Variants in MCF2L2 observed in about 807,000 individuals in gnomAD.
MCF2L2 encodes probable guanine nucleotide exchange factor MCF2L2.
Under a neutral mutation model 150.2 loss-of-function variants are expected in MCF2L2, and 102 were observed. That is an observed-to-expected ratio of 0.68 (90% CI 0.58 to 0.80). The LOEUF is 0.80. MCF2L2 is among the 30% of genes least tolerant of loss of function. The pLI, the probability that MCF2L2 is intolerant of heterozygous loss-of-function variation, is 0.00. For missense variants in MCF2L2, 1,256 were observed against 1,372.8 expected (o/e 0.91, Z 1.34); for synonymous variants, 465 against 491.3 (o/e 0.95, Z 0.71).
At chr3:183,314,778 C>A (rs6443865) in intron 7 of MCF2L2, among the ~76,000 whole-genome samples, 27,669 of 148,250 alleles carry the variant, frequency 0.19, 3,052 homozygotes, top group African/African-American at 0.3. Context: ...AATTATTTGA[C>A]GACATATAGA....
At chr3:183,343,674 T>C (rs1426109822) in intron 3 of MCF2L2, among the ~76,000 whole-genome samples, 2 of 152,104 alleles carry the variant, frequency 1.3e-5, no homozygotes, top group African/African-American at 4.8e-5. Flanking sequence ...CAGCCCAACA[T>C]AGCAACTTGA....
chr3:183,348,934 CTCT>C (rs1731006764), intron 3 of MCF2L2, among the ~76,000 whole-genome samples: 1 of 152,190 alleles, frequency 6.6e-6, no homozygotes, highest in African/African-American at 2.4e-5. Flanking sequence ...TAGTATTCCT[CTCT>C]CAGTAATTCA....
chr3:183,338,517 A>T (rs1730578517), intron 5 of MCF2L2, among the ~76,000 whole-genome samples: 1 of 152,044 alleles, frequency 6.6e-6, no homozygotes, highest in African/African-American at 2.4e-5. Flanking sequence ...ACTGAATAAA[A>T]TCCAAAACCT....
intron 14 of MCF2L2, among the ~76,000 whole-genome samples, chr3:183,288,115 C>T (rs1727898785): frequency 6.6e-6 from 1 of 152,164 alleles, no homozygotes; most frequent in African/African-American, 2.4e-5. Context: ...TAAAATTATA[C>T]AGTGCTTAGC....
chr3:183,288,800 T>A (rs927726841), intron 14 of MCF2L2, among the ~76,000 whole-genome samples: 1 of 152,172 alleles, frequency 6.6e-6, no homozygotes, highest in South Asian at 2.1e-4. Flanking sequence ...TTTTTATACA[T>A]GAACCATACA....
chr3:183,258,114 T>C (rs1212988421), intron 15 of MCF2L2, among the ~76,000 whole-genome samples: 2 of 151,868 alleles, frequency 1.3e-5, no homozygotes, highest in Non-Finnish European at 2.9e-5. Context: ...ATTACAGGCA[T>C]GCTCCACCAC....
Position 183,338,925 on chromosome 3 carries a change from A to G in MCF2L2, c.367-6T>C. The stretch of plus-strand genomic sequence containing the variant: ...AAGTTTCCTGGAAATGCCACCTGCA[A>G]GCATCAGGAAAAGTGTCAGGAGGAG... On this transcript the variant is annotated splice_region_variant and splice_polypyrimidine_tract_variant and intron_variant, in intron 4 of 29. Coordinates refer to ENST00000328913, the MANE Select transcript of MCF2L2 (RefSeq NM_015078.4). 5.6e-6 allele frequency: 9 copies of G among 1,594,842 alleles called. No individual in the cohort carries two copies. The highest frequency in any genetic ancestry group is 7.7e-6 in the Non-Finnish European group (9 of 1,166,256).
chr3:183,326,713 T>G (rs1302669448), intron 5 of MCF2L2, among the ~76,000 whole-genome samples: 1 of 13,306 alleles, frequency 7.5e-5, no homozygotes, highest in Non-Finnish European at 1.1e-4. Context: ...TTATAATGTG[T>G]GTGTATGTAG....
At chr3:183,352,961 T>C (rs1294820226) in intron 3 of MCF2L2, among the ~76,000 whole-genome samples, 1 of 151,248 alleles carries the variant, frequency 6.6e-6, no homozygotes, top group Non-Finnish European at 1.5e-5. Flanking sequence ...CAATTACCAA[T>C]CAGAAAATGT....
intron 27 of MCF2L2, among the ~76,000 whole-genome samples, chr3:183,187,969 A>G (rs1347892543): frequency 6.6e-6 from 1 of 152,176 alleles, no homozygotes; most frequent in African/African-American, 2.4e-5. Context: ...ACCATAGTGG[A>G]AGGAGAAACG....
intron 3 of MCF2L2, among the ~76,000 whole-genome samples, chr3:183,364,957 A>G (rs140826073): frequency 1.3e-3 from 193 of 152,280 alleles, no homozygotes; most frequent in African/African-American, 4.4e-3. Flanking sequence ...AATGCCACAA[A>G]ATTGTTTCAG....
intron 15 of MCF2L2, among the ~76,000 whole-genome samples, chr3:183,273,777 G>C (rs2108453806): frequency 1.3e-5 from 2 of 152,262 alleles, no homozygotes; most frequent in South Asian, 4.1e-4. Context: ...ATTGCCTGCA[G>C]TATTCAGTAC....
intron 25 of MCF2L2, among the ~76,000 whole-genome samples, chr3:183,199,932 A>G (rs1266582882): frequency 1.3e-5 from 2 of 152,112 alleles, no homozygotes. Flanking sequence ...CAGCTTCACC[A>G]TGTCCCTACA....
chr3:183,345,136 G>A (rs1730850079), intron 3 of MCF2L2, among the ~76,000 whole-genome samples: 1 of 152,066 alleles, frequency 6.6e-6, no homozygotes, highest in Non-Finnish European at 1.5e-5. Context: ...GCACCACATA[G>A]CACTTATTCT....
chr3:183,309,904 T>C, intron 9 of MCF2L2, 69 bp from the exon 10 acceptor site: 16 of 1,563,858 alleles, frequency 1.0e-5, no homozygotes, highest in Non-Finnish European at 1.4e-5. Context: ...AGGTTTGTTA[T>C]GCTTCAAGAA....
At chr3:183,214,923 G>A (rs1452204364) in intron 22 of MCF2L2, among the ~76,000 whole-genome samples, 4 of 151,948 alleles carry the variant, frequency 2.6e-5, no homozygotes, top group East Asian at 1.9e-4. Flanking sequence ...TGAACCTGGC[G>A]GGCAGAGGTT....
At chr3:183,276,540 T>TG in intron 15 of MCF2L2, 1 of 243,694 alleles carries the variant, frequency 4.1e-6, no homozygotes, top group African/African-American at 2.2e-5. Context: ...TTTGTGTCTT[T>TG]GGGGAACCAA....
intron 25 of MCF2L2, among the ~76,000 whole-genome samples, chr3:183,195,754 C>T (rs9820610): frequency 0.024 from 3,728 of 152,250 alleles, 139 homozygotes; most frequent in African/African-American, 0.085. Context: ...CCAAATTCCT[C>T]GGCCCGATAT....
chr3:183,426,989 T>C (rs1716195853), intron 1 of MCF2L2, among the ~76,000 whole-genome samples: 1 of 152,204 alleles, frequency 6.6e-6, no homozygotes, highest in African/African-American at 2.4e-5. Context: ...CTTTCACAAA[T>C]GTGTAGAAAA....
Sources: allele counts gnomAD v4.1 joint callset (sites outside exome capture counted in the v4.1 genomes callset), GRCh38; gene constraint gnomAD v4.1.1; transcripts MANE v1.5; gene names NCBI Gene and HGNC (gene_info 2026-07-23, HGNC 2026-07-21).